NME7: variants seen among roughly 807,000 people sequenced by gnomAD.
NME7 encodes the protein nucleoside diphosphate kinase 7.
In NME7, 41 loss-of-function variants were observed where a neutral mutation model predicts 49.1. The observed-to-expected ratio is 0.83, with a 90% confidence interval of 0.65 to 1.08. The LOEUF is 1.08. Among genes scored for constraint, NME7 ranks in the 50% least tolerant of loss-of-function variants. NME7 has a pLI of 0.00. For synonymous variants in NME7, 139 were observed against 150.6 expected (o/e 0.92, Z 0.56); for missense variants, 423 against 463.4 (o/e 0.91, Z 0.80).
chr1:169,341,892 A>C (rs940180993), intron 1 of NME7, among the ~76,000 whole-genome samples: 1 of 152,122 alleles, frequency 6.6e-6, no homozygotes, highest in Admixed American at 6.5e-5. Flanking sequence ...CTGTGCCCCC[A>C]CTGTATCTTA....
chr1:169,298,712 T>A lies in NME7; in HGVS notation c.492A>T (p.Leu164Phe). 2 of 1,613,796 alleles carry A rather than the reference T, an allele frequency of 1.2e-6. No individual in the cohort carries two copies. Among genetic ancestry groups the A allele is most frequent in the Non-Finnish European group, 1.7e-6 (2 of 1,179,836 alleles). The stretch of plus-strand genomic sequence containing the variant: ...TCCATTCACATATAGCATCATCTCT[T>A]AAAATCTCCATGGCAATAATAGGAC... ...TTGPIIAMEI[L>F]RDDAICEWKR... Residue 164 changes from leucine to phenylalanine, a missense_variant, in exon 6 of 12, where the codon TTA becomes TTT. Physicochemically the swap from Leu to Phe is conservative, Grantham distance 22 (BLOSUM62 0). Coordinates refer to ENST00000367811, the MANE Select transcript of NME7 (RefSeq NM_013330.5).
At chr1:169,285,688 G>A (rs1246979458) in intron 7 of NME7, 1 of 152,152 alleles carries the variant, frequency 6.6e-6, no homozygotes, top group Non-Finnish European at 1.5e-5. Flanking sequence ...CATACTTGCT[G>A]TGAAGATTAA....
chr1:169,308,040 C>A (rs1449016991), intron 4 of NME7, among the ~76,000 whole-genome samples: 2 of 151,648 alleles, frequency 1.3e-5, no homozygotes, highest in Non-Finnish European at 1.5e-5. Flanking sequence ...AAAAAAATCC[C>A]ATTTTGCAAA....
At chr1:169,205,180 T>C (rs144007469) in intron 10 of NME7, among the ~76,000 whole-genome samples, 271 of 152,278 alleles carry the variant, frequency 1.8e-3, no homozygotes, top group Non-Finnish European at 2.9e-3. Flanking sequence ...ACCACACTTT[T>C]AGTTTTTTCA....
At chr1:169,322,978 A>C in intron 3 of NME7, 139 bp downstream of exon 3, 3 of 626,712 alleles carry the variant, frequency 4.8e-6, no homozygotes, top group Non-Finnish European at 7.2e-6. Flanking sequence ...TTTTAAATTG[A>C]AAAAAAGAAA....
In NME7 at chr1:169,292,398, C is replaced by T. The variant is rs114603991; in HGVS notation, c.649-4990G>A. Among the ~76,000 whole-genome samples the T allele has an allele frequency of 5.5e-3, 835 of 152,178 alleles. 8 individuals carry two copies. Among genetic ancestry groups the T allele is most frequent in the African/African-American group, 0.019 (799 of 41,514 alleles). ...AGAGGATGAAAATGCAAACCACATA[C>T]CATGAGAAAATACTTGCAAATCATA... On this transcript the variant is annotated intron_variant, in intron 6 of 11. Coordinates refer to ENST00000367811, the MANE Select transcript of NME7 (RefSeq NM_013330.5).
chr1:169,195,189 A>T (rs1479013413), intron 10 of NME7, among the ~76,000 whole-genome samples: 3 of 152,184 alleles, frequency 2.0e-5, no homozygotes, highest in East Asian at 3.8e-4. Context: ...TAATAAGAAT[A>T]TGTCTTTTGG....
intron 7 of NME7, among the ~76,000 whole-genome samples, chr1:169,249,403 G>C (rs1326391051): frequency 6.6e-6 from 1 of 151,922 alleles, no homozygotes; most frequent in East Asian, 1.9e-4. Context: ...GGGTTTTCTA[G>C]GTATACAGTC....
intron 7 of NME7, among the ~76,000 whole-genome samples, chr1:169,253,662 T>C (rs1261720635): frequency 9.8e-5 from 15 of 152,294 alleles, no homozygotes; most frequent in African/African-American, 3.1e-4. Context: ...GGAATGCTTC[T>C]AGTTTTTGCC....
intron 3 of NME7, among the ~76,000 whole-genome samples, chr1:169,320,796 A>C (rs1413991907): frequency 6.6e-6 from 1 of 152,212 alleles, no homozygotes; most frequent in African/African-American, 2.4e-5. Flanking sequence ...ATAAAGCCCA[A>C]ATACTTCAAA....
intron 7 of NME7, chr1:169,285,670 C>T (rs1238031741): frequency 6.6e-6 from 1 of 152,088 alleles, no homozygotes; most frequent in Non-Finnish European, 1.5e-5. Flanking sequence ...ACAAATTTAC[C>T]TACTTGACAT....
chr1:169,193,658 C>G (rs1660294983), intron 10 of NME7, among the ~76,000 whole-genome samples: 1 of 152,192 alleles, frequency 6.6e-6, no homozygotes, highest in African/African-American at 2.4e-5. Flanking sequence ...CTGCAGCCTC[C>G]TGAGATTTTG....
rs184109277 is a variant in NME7 at position 169,305,595 on chromosome 1, T to G, written c.390-2400A>C. Among the ~76,000 whole-genome samples, 20 of 152,344 alleles carry G rather than the reference T, an allele frequency of 1.3e-4. 1 individual carries two copies. The East Asian group carries it at 3.5e-3, about 26-fold the overall frequency. On this transcript the variant is annotated intron_variant, in intron 4 of 11. Transcript: ENST00000367811. ...CGGTGTCGTTTCTCAGGATTGTGTT[T>G]GCAACAAGAAACCTTGAGGGATAAG...
At chr1:169,188,614 G>C (rs954527289) in intron 10 of NME7, among the ~76,000 whole-genome samples, 2 of 152,162 alleles carry the variant, frequency 1.3e-5, no homozygotes, top group Non-Finnish European at 2.9e-5. Flanking sequence ...CTATTTTTCA[G>C]AAAGTTTAAC....
intron 10 of NME7, among the ~76,000 whole-genome samples, chr1:169,180,085 G>T (rs1659882587): frequency 6.6e-6 from 1 of 151,960 alleles, no homozygotes; most frequent in Non-Finnish European, 1.5e-5. Context: ...TAAAATTTAG[G>T]TTTATTTGTC....
intron 9 of NME7, among the ~76,000 whole-genome samples, chr1:169,233,233 C>G (rs1018969027): frequency 1.1e-4 from 16 of 152,070 alleles, no homozygotes; most frequent in Admixed American, 3.3e-4. Context: ...TTTTAAGATT[C>G]TTAGCTCTCT....
intron 1 of NME7, among the ~76,000 whole-genome samples, chr1:169,365,424 T>C (rs1017850529): frequency 6.6e-5 from 10 of 152,206 alleles, no homozygotes; most frequent in Non-Finnish European, 1.3e-4. Flanking sequence ...AATAAATAAG[T>C]TTGGCAAGCA....
At chr1:169,279,680 A>T (rs1021190502) in intron 7 of NME7, among the ~76,000 whole-genome samples, 1 of 152,106 alleles carries the variant, frequency 6.6e-6, no homozygotes, top group Non-Finnish European at 1.5e-5. Flanking sequence ...CTCGCGCATG[A>T]TGCGCTGCAC....
chr1:169,244,774 GT>G (rs1648240294), intron 7 of NME7, among the ~76,000 whole-genome samples: 1 of 151,124 alleles, frequency 6.6e-6, no homozygotes, highest in Non-Finnish European at 1.5e-5. Context: ...AATATTTCTT[GT>G]GAAAATAACT....
Sources: allele counts gnomAD v4.1 joint callset (sites outside exome capture counted in the v4.1 genomes callset), GRCh38; gene constraint gnomAD v4.1.1; transcripts MANE v1.5; gene names NCBI Gene and HGNC (gene_info 2026-07-23, HGNC 2026-07-21).